Variants in CCSER1 observed in about 807,000 individuals in gnomAD.
The protein encoded by CCSER1 is coiled-coil serine rich protein 1, also known as serine-rich coiled-coil domain-containing protein 1.
Under a neutral mutation model 82.0 loss-of-function variants are expected in CCSER1, and 41 were observed. The observed-to-expected ratio is 0.50, with a 90% CI of 0.39 to 0.65. CCSER1 has a LOEUF of 0.65. Among genes scored for constraint, CCSER1 ranks in the 30% least tolerant of loss-of-function variants. The pLI is 0.00. For missense variants in CCSER1, 1,119 were observed against 1,064.2 expected (o/e 1.05, Z -0.72); for synonymous variants, 414 against 383.9 (o/e 1.08, Z -0.92).
chr4:90,819,417 T>C (rs566313002), intron 8 of CCSER1, among the ~76,000 whole-genome samples: 7 of 152,328 alleles, frequency 4.6e-5, no homozygotes, highest in Admixed American at 4.6e-4. Context: ...AGTTCAGTTG[T>C]GGAAAATTAG....
intron 10 of CCSER1, among the ~76,000 whole-genome samples, chr4:91,107,591 T>G (rs1725739188): frequency 2.0e-5 from 3 of 152,136 alleles, no homozygotes; most frequent in African/African-American, 7.2e-5. Context: ...ATGGTAATTA[T>G]GCTTTAGTAA....
intron 10 of CCSER1, among the ~76,000 whole-genome samples, chr4:91,283,711 T>C (rs1228692858): frequency 6.6e-6 from 1 of 152,128 alleles, no homozygotes; most frequent in African/African-American, 2.4e-5. Flanking sequence ...TTAAGCCACC[T>C]TTATTTATTT....
At chr4:91,085,461 G>A (rs1210598136) in intron 9 of CCSER1, among the ~76,000 whole-genome samples, 1 of 152,040 alleles carries the variant, frequency 6.6e-6, no homozygotes, top group Non-Finnish European at 1.5e-5. Context: ...GATCAGGTAT[G>A]CTAATAGAAG....
intron 1 of CCSER1, among the ~76,000 whole-genome samples, chr4:90,255,136 C>T (rs1176159749): frequency 1.3e-5 from 2 of 152,094 alleles, no homozygotes; most frequent in African/African-American, 4.8e-5. Context: ...CGCTTTTCGT[C>T]AGCAAGTAAC....
intron 1 of CCSER1, among the ~76,000 whole-genome samples, chr4:90,289,087 G>A (rs962649155): frequency 1.2e-4 from 18 of 151,756 alleles, no homozygotes; most frequent in Admixed American, 1.3e-4. Flanking sequence ...GTTGCTGTGG[G>A]GTATTAACAG....
At chr4:91,384,466 T>C (rs1344928746) in intron 10 of CCSER1, among the ~76,000 whole-genome samples, 1 of 151,564 alleles carries the variant, frequency 6.6e-6, no homozygotes, top group East Asian at 1.9e-4. Flanking sequence ...TTTTAAACAG[T>C]CAAAAATCTT....
chr4:91,059,424 T>C (rs1417944301), intron 9 of CCSER1, among the ~76,000 whole-genome samples: 1 of 146,640 alleles, frequency 6.8e-6, no homozygotes, highest in Non-Finnish European at 1.5e-5. Context: ...GTTGTATTAA[T>C]AAAAGATTTT....
At chr4:91,156,519 T>G (rs1459623852) in intron 10 of CCSER1, among the ~76,000 whole-genome samples, 1 of 151,522 alleles carries the variant, frequency 6.6e-6, no homozygotes, top group Non-Finnish European at 1.5e-5. Context: ...TCAAAAGAAT[T>G]AAATTATTAG....
chr4:90,516,246 T>C (rs1010288957), intron 5 of CCSER1, among the ~76,000 whole-genome samples: 3 of 152,188 alleles, frequency 2.0e-5, no homozygotes, highest in African/African-American at 7.2e-5. Context: ...ACAGGATTTC[T>C]GGAGCTTATA....
intron 5 of CCSER1, among the ~76,000 whole-genome samples, chr4:90,541,191 A>G (rs1377934242): frequency 6.6e-6 from 1 of 152,106 alleles, no homozygotes; most frequent in African/African-American, 2.4e-5. Context: ...GGATGTAGAA[A>G]TTGCTGAGTA....
chr4:90,840,023 TATA>T (rs566486591), intron 8 of CCSER1, among the ~76,000 whole-genome samples: 70 of 152,016 alleles, frequency 4.6e-4, no homozygotes, highest in African/African-American at 1.3e-3. Context: ...ATCAAGTAAA[TATA>T]ATACAATATA....
intron 5 of CCSER1, among the ~76,000 whole-genome samples, chr4:90,477,311 C>T (rs892500313): frequency 2.6e-5 from 4 of 152,114 alleles, no homozygotes; most frequent in African/African-American, 9.7e-5. Flanking sequence ...AGTTAGATGA[C>T]ATGGAGCAAG....
intron 10 of CCSER1, among the ~76,000 whole-genome samples, chr4:91,094,719 C>T (rs576258537): frequency 6.6e-6 from 1 of 152,200 alleles, no homozygotes; most frequent in African/African-American, 2.4e-5. Context: ...GGAGGATTGT[C>T]CTCCGCCCAT....
chr4:90,297,443 G>A (rs1347161858), intron 1 of CCSER1, among the ~76,000 whole-genome samples: 1 of 151,836 alleles, frequency 6.6e-6, no homozygotes, highest in Non-Finnish European at 1.5e-5. Flanking sequence ...CTGCAAACAG[G>A]GACAGTTTGA....
At chr4:91,449,011 C>G (rs1755730201) in intron 10 of CCSER1, among the ~76,000 whole-genome samples, 1 of 152,010 alleles carries the variant, frequency 6.6e-6, no homozygotes, top group Non-Finnish European at 1.5e-5. Context: ...GGGAAAGACT[C>G]ACTACTAATG....
chr4:90,690,240 G>A (rs1281411277), intron 6 of CCSER1, among the ~76,000 whole-genome samples: 1 of 151,934 alleles, frequency 6.6e-6, no homozygotes, highest in East Asian at 1.9e-4. Flanking sequence ...TCAGAAAGGG[G>A]GTTGGATAAC....
chr4:91,454,176 C>A (rs988381339), intron 10 of CCSER1, among the ~76,000 whole-genome samples: 1 of 152,054 alleles, frequency 6.6e-6, no homozygotes, highest in African/African-American at 2.4e-5. Flanking sequence ...TAAAACAATA[C>A]ACGTTTATTC....
chr4:91,423,197 G>A (rs748617867), intron 10 of CCSER1, among the ~76,000 whole-genome samples: 3 of 151,850 alleles, frequency 2.0e-5, no homozygotes, highest in Admixed American at 6.6e-5. Flanking sequence ...AGGCTGAGGC[G>A]GGCAGATCAC....
chr4:90,750,238 G>A (rs544040793), intron 7 of CCSER1, among the ~76,000 whole-genome samples: 357 of 151,684 alleles, frequency 2.4e-3, no homozygotes, highest in Admixed American at 4.0e-3. Context: ...CCCATTTTGT[G>A]GGTTGCCTGT....
Sources: allele counts gnomAD v4.1 joint callset (sites outside exome capture counted in the v4.1 genomes callset), GRCh38; gene constraint gnomAD v4.1.1; transcripts MANE v1.5; gene names NCBI Gene and HGNC (gene_info 2026-07-23, HGNC 2026-07-21).